The following ARPP19 variants were observed in gnomAD, a reference collection of about 807,000 sequenced individuals.
ARPP19 encodes cAMP-regulated phosphoprotein 19.
A neutral mutation model predicts 12.0 loss-of-function variants in ARPP19; 8 were observed. The observed-to-expected ratio is 0.67, with a 90% CI of 0.39 to 1.21. The LOEUF (loss-of-function observed/expected upper bound fraction) is 1.21. ARPP19 is among the 50% of genes most tolerant of loss of function. The probability of loss-of-function intolerance (pLI) is 0.01; values close to 1 mark genes in which losing one functional copy is unlikely to be tolerated. For missense variants in ARPP19, 102 were observed against 136.3 expected, an observed-to-expected ratio of 0.75 and a Z score of 1.25; for synonymous variants, 47 against 50.4, an observed-to-expected ratio of 0.93 and a Z score of 0.29.
chr15:52,557,378 A>G, intron 1 of ARPP19, 156 bp from the exon 2 acceptor site: 4 of 617,742 alleles, frequency 6.5e-6, no homozygotes, highest in South Asian at 2.1e-5. Flanking sequence ...AAACATCTCT[A>G]TCTTGTTTTT....
intron 1 of ARPP19, among the ~76,000 whole-genome samples, chr15:52,565,087 C>T (rs1233082255): frequency 6.7e-6 from 1 of 149,664 alleles, no homozygotes; most frequent in Non-Finnish European, 1.5e-5. Context: ...CACCCAGTGG[C>T]GCCATCAAAG....
rs994221253 is a variant in ARPP19, at chr15:52,548,152, A to C, written c.*3782T>G. On this transcript the variant is annotated 3_prime_UTR_variant, in exon 3 of 3. Transcript: ENST00000249822. ...TACCTGAGGCAACCTTGGTCCAAAA[A>C]TATTATGTGGAAAATTCCAGAAATA... 6.6e-6 allele frequency: 1 copy of C among 152,238 alleles called. No individual in the cohort carries two copies. Among genetic ancestry groups the C allele is most frequent in the African/African-American group, 2.4e-5 (1 of 41,456 alleles). 9.4% of individuals were successfully genotyped at this position (152,238 alleles called of 1,614,324 possible). A position where few individuals can be genotyped will look rare whatever the true frequency, so the allele number is the denominator to read the frequency against.
At chr15:52,566,891 A>G (rs866720816) in intron 1 of ARPP19, among the ~76,000 whole-genome samples, 2 of 152,248 alleles carry the variant, frequency 1.3e-5, no homozygotes, top group Non-Finnish European at 2.9e-5. Flanking sequence ...AAAGTGACTT[A>G]GCTTTTACTC....
At position 52,560,237 on chromosome 15, in the gene ARPP19, T is replaced by A. The variant is rs186639078; in HGVS notation, c.46-3015A>T. Among the ~76,000 whole-genome samples the A allele has an allele frequency of 1.9e-3, 284 of 151,792 alleles. 2 individuals are homozygous for A. The highest frequency in any genetic ancestry group is 0.016 in the Admixed American group (243 of 15,288). Reference sequence around the variant, plus strand: ...GTCTCGAACTCCTGACCCCAGGTCATCTGCCCGCCTCGGCCTCCCAAAGTG... The same window carrying A: ...GTCTCGAACTCCTGACCCCAGGTCAACTGCCCGCCTCGGCCTCCCAAAGTG... On this transcript the variant is annotated intron_variant, in intron 1 of 2. Coordinates refer to ENST00000249822, the MANE Select transcript of ARPP19 (RefSeq NM_006628.6).
intron 2 of ARPP19, among the ~76,000 whole-genome samples, chr15:52,553,583 A>T (rs1361401372): frequency 1.3e-5 from 2 of 152,212 alleles, no homozygotes; most frequent in African/African-American, 2.4e-5. Flanking sequence ...CAATTACAAT[A>T]CTGCCTTAAG....
In ARPP19 at chr15:52,551,965, G is replaced by A. The variant is rs777862029; in HGVS notation, c.308C>T (p.Pro103Leu). The part of the protein sequence containing the change: ...PTPQDLPQRK[P>L]SLVASKLAG ...AGCCAGCTTGCTAGCAACAAGGGAC[G>A]GCTTCCGTTGAGGAAGGTCTTGCGG... is the stretch of plus-strand genomic sequence containing the variant. Residue 103 changes from proline (P) to leucine (L), a missense_variant, in exon 3 of 3, where the codon CCG becomes CTG. By Grantham distance (98) the Pro-to-Leu change is moderately conservative (BLOSUM62 -3). Coordinates refer to ENST00000249822, the MANE Select transcript of ARPP19 (RefSeq NM_006628.6). 1.4e-5 allele frequency: 23 copies of A among 1,613,430 alleles called. No homozygotes were observed. Among genetic ancestry groups the A allele is most frequent in the South Asian group, 5.5e-5 (5 of 91,042 alleles).
chr15:52,553,082 CA>C (rs984192893), intron 2 of ARPP19, among the ~76,000 whole-genome samples: 7 of 151,798 alleles, frequency 4.6e-5, no homozygotes, highest in Non-Finnish European at 8.8e-5. Flanking sequence ...GTCTCAAAAA[CA>C]AAAAAACCAA....
intron 1 of ARPP19, among the ~76,000 whole-genome samples, chr15:52,565,734 C>T (rs1039366174): frequency 1.3e-5 from 2 of 152,200 alleles, no homozygotes; most frequent in Non-Finnish European, 2.9e-5. Context: ...CAAAAACTCC[C>T]TCAACTTTTA....
chr15:52,560,773 A>G (rs773645232), intron 1 of ARPP19, among the ~76,000 whole-genome samples: 6 of 152,250 alleles, frequency 3.9e-5, no homozygotes, highest in Non-Finnish European at 7.3e-5. Flanking sequence ...AAGGCATGAG[A>G]GAAAGAATCC....
chr15:52,560,296 G>A (rs1017207626), intron 1 of ARPP19, among the ~76,000 whole-genome samples: 3 of 152,126 alleles, frequency 2.0e-5, no homozygotes, highest in Middle Eastern at 3.4e-3. Context: ...GGGCCCAGCC[G>A]CATTCCCTTG....
intron 2 of ARPP19, among the ~76,000 whole-genome samples, chr15:52,552,402 T>C (rs944229340): frequency 1.5e-4 from 23 of 151,012 alleles, no homozygotes; most frequent in African/African-American, 5.3e-4. Context: ...AAACCCTGTC[T>C]CTACTAAAAA....
At chr15:52,561,968 T>TGG (rs61180592) in intron 1 of ARPP19, among the ~76,000 whole-genome samples, 8,021 of 147,036 alleles carry the variant, frequency 0.055, 573 homozygotes, top group African/African-American at 0.16. Flanking sequence ...TTAAGATACA[T>TGG]GGTCTTCCTA....
At chr15:52,562,103 CA>C (rs2078038897) in intron 1 of ARPP19, among the ~76,000 whole-genome samples, 1 of 151,958 alleles carries the variant, frequency 6.6e-6, no homozygotes, top group African/African-American at 2.4e-5. Flanking sequence ...ATATACAAAG[CA>C]AAAACTGACA....
intron 1 of ARPP19, among the ~76,000 whole-genome samples, chr15:52,567,693 C>T (rs61456320): frequency 0.086 from 13,100 of 152,094 alleles, 931 homozygotes; most frequent in East Asian, 0.41. Context: ...TGGACTTTTA[C>T]CTATGCTATA....
chr15:52,569,105 C>G, upstream of ARPP19: 1 of 548,838 alleles, frequency 1.8e-6, no homozygotes. Context: ...CCGCACCGCA[C>G]CCCTACCTAC....
At chr15:52,562,332 T>C (rs1017841704) in intron 1 of ARPP19, among the ~76,000 whole-genome samples, 2 of 152,196 alleles carry the variant, frequency 1.3e-5, no homozygotes, top group Non-Finnish European at 2.9e-5. Flanking sequence ...CCACCATCTA[T>C]GACTGCAATT....
At chr15:52,564,876 A>C (rs2078067187) in intron 1 of ARPP19, among the ~76,000 whole-genome samples, 1 of 152,146 alleles carries the variant, frequency 6.6e-6, no homozygotes, top group African/African-American at 2.4e-5. Context: ...ATTTGTTTTG[A>C]AATAGTACTT....
intron 1 of ARPP19, among the ~76,000 whole-genome samples, chr15:52,559,069 A>C (rs1429063907): frequency 6.6e-6 from 1 of 152,158 alleles, no homozygotes; most frequent in African/African-American, 2.4e-5. Flanking sequence ...TCAGTCTCGG[A>C]GAATTTTGAG....
At chr15:52,555,615 T>G (rs553855725) in intron 2 of ARPP19, among the ~76,000 whole-genome samples, 3 of 152,128 alleles carry the variant, frequency 2.0e-5, no homozygotes, top group South Asian at 4.1e-4. Flanking sequence ...AGACTTTCCT[T>G]GTACTGAATT....
Sources: gnomAD v4.1 joint callset for allele counts (sites outside exome capture counted in the v4.1 genomes callset) on GRCh38, gnomAD v4.1.1 for gene constraint, MANE v1.5 for transcripts, NCBI Gene and HGNC (gene_info 2026-07-23, HGNC 2026-07-21) for gene names.